SESN3: variants seen among roughly 807,000 people sequenced by gnomAD.
SESN3 encodes the protein sestrin-3.
Under a neutral mutation model 55.3 loss-of-function variants are expected in SESN3, and 21 were observed. The ratio of observed to expected loss-of-function variants is 0.38; its 90% CI spans 0.27 to 0.55. SESN3 has a LOEUF of 0.55. Among genes scored for constraint, SESN3 ranks in the 20% least tolerant of loss-of-function variants. SESN3 has a pLI of 0.76. For missense variants in SESN3, 408 were observed against 604.3 expected (o/e 0.68, Z 3.41); for synonymous variants, 181 against 203.1 (o/e 0.89, Z 0.93).
chr11:95,206,330 T>A (rs1271528251), intron 1 of SESN3, among the ~76,000 whole-genome samples: 1 of 151,356 alleles, frequency 6.6e-6, no homozygotes. Flanking sequence ...CCTTAAAATG[T>A]TTTTTGGCAT....
intron 1 of SESN3, among the ~76,000 whole-genome samples, chr11:95,208,459 C>G (rs1860590223): frequency 6.6e-6 from 1 of 151,458 alleles, no homozygotes; most frequent in African/African-American, 2.4e-5. Context: ...GCATGATCAT[C>G]AGTGTGCGAA....
chr11:95,225,348 C>T (rs1860929408), intron 1 of SESN3, among the ~76,000 whole-genome samples: 1 of 152,188 alleles, frequency 6.6e-6, no homozygotes, highest in Non-Finnish European at 1.5e-5. Flanking sequence ...AGCCAAACAA[C>T]TGTTAGAGAG....
In SESN3 at chr11:95,175,609, T is replaced by C. The variant is rs201543354; in HGVS notation, c.1281A>G (p.Gln427=). The C allele has an allele frequency of 3.9e-5, 63 of 1,612,838 alleles. No homozygotes were observed. The highest frequency in any genetic ancestry group is 5.1e-5 in the Non-Finnish European group (60 of 1,179,064). The change falls in exon 9 of 10, where the codon CAA becomes CAG. Residue 427 remains glutamine, a synonymous_variant. Transcript: ENST00000536441. ...AAACCTTCAGGCTTCTTTCAAGTAA[T>C]TGATTAACTTCTCCATAATCATAGT... ...YDDYDYGEVN[Q]LLERSLKVYI...
At position 95,230,756 on chromosome 11, in the gene SESN3, C is replaced by T. The variant is rs376700049; in HGVS notation, c.78+27G>A. On this transcript the variant is annotated intron_variant, in intron 1 of 9. Coordinates refer to ENST00000536441, the MANE Select transcript of SESN3 (RefSeq NM_144665.4). The surrounding 1 kb of genome is among the most constrained non-coding windows in gnomAD (Gnocchi z 4.6). ...CCGGCCGGCAGGAAGCGACCCTCGCCGGCAGGACCCCGGGCCGAACCCGTA... is the reference window on the plus strand; with the variant it reads ...CCGGCCGGCAGGAAGCGACCCTCGCTGGCAGGACCCCGGGCCGAACCCGTA... 3.8e-6 allele frequency: 6 copies of T among 1,585,360 alleles called. No individual in the cohort carries two copies. The highest frequency in any genetic ancestry group is 1.7e-4 in the Middle Eastern group (1 of 5,896).
intron 4 of SESN3, among the ~76,000 whole-genome samples, chr11:95,188,282 T>C (rs1860203933): frequency 6.6e-6 from 1 of 151,486 alleles, no homozygotes; most frequent in African/African-American, 2.4e-5. Context: ...TAAAATATAT[T>C]TTATATAGAA....
chr11:95,192,775 C>T (rs1860292002), intron 2 of SESN3, among the ~76,000 whole-genome samples: 1 of 152,090 alleles, frequency 6.6e-6, no homozygotes, highest in Non-Finnish European at 1.5e-5. Flanking sequence ...TTGATTTGCT[C>T]ACTTCCCCAC....
At chr11:95,193,204 T>C (rs969285730) in intron 2 of SESN3, among the ~76,000 whole-genome samples, 1 of 152,092 alleles carries the variant, frequency 6.6e-6, no homozygotes, top group Non-Finnish European at 1.5e-5. Context: ...GATCTGATGA[T>C]GAAAGAACTG....
intron 1 of SESN3, among the ~76,000 whole-genome samples, chr11:95,215,869 C>A (rs530808256): frequency 4.6e-5 from 7 of 152,120 alleles, no homozygotes; most frequent in Middle Eastern, 3.4e-3. Context: ...GAGGCCGAGG[C>A]GGGCGGATCA....
At chr11:95,199,435 A>G (rs1860422150) in intron 1 of SESN3, among the ~76,000 whole-genome samples, 1 of 152,108 alleles carries the variant, frequency 6.6e-6, no homozygotes, top group Non-Finnish European at 1.5e-5. Flanking sequence ...CTGGAAAACA[A>G]AACACTGAAA....
At chr11:95,194,681 T>A (rs1396313374) in intron 1 of SESN3, among the ~76,000 whole-genome samples, 1 of 152,140 alleles carries the variant, frequency 6.6e-6, no homozygotes, top group African/African-American at 2.4e-5. Flanking sequence ...GAGGACTGCA[T>A]GTTAAGAGGA....
chr11:95,195,535 C>T (rs755974786), intron 1 of SESN3, among the ~76,000 whole-genome samples: 22 of 152,226 alleles, frequency 1.4e-4, no homozygotes, highest in Non-Finnish European at 2.4e-4. Flanking sequence ...CCAGCTACGG[C>T]GTATGACATA....
intron 4 of SESN3, among the ~76,000 whole-genome samples, chr11:95,189,500 C>T (rs1037844692): frequency 1.3e-5 from 2 of 151,816 alleles, no homozygotes; most frequent in African/African-American, 4.8e-5. Context: ...AGACTAGATC[C>T]CAGGCATCCT....
rs975592156 is a variant in SESN3, at chr11:95,230,922, C to A, written c.-62G>T. 1.2e-5 allele frequency: 14 copies of A among 1,131,756 alleles called. No homozygotes were observed. The highest frequency in any genetic ancestry group is 8.2e-5 in the African/African-American group (5 of 60,864). The allele number at this position is 1,131,756 out of a possible 1,614,324, so 70.1% of individuals were successfully genotyped here. A position where few individuals can be genotyped will look rare whatever the true frequency, so the allele number is the denominator to read the frequency against. On this transcript the variant is annotated 5_prime_UTR_variant, in exon 1 of 10. Coordinates refer to ENST00000536441, the MANE Select transcript of SESN3 (RefSeq NM_144665.4). The surrounding 1 kb of genome is among the most constrained non-coding windows in gnomAD (Gnocchi z 4.6). Reference sequence around the variant, plus strand: ...GCCGGGTCCGGGCTGTCACTGCGGCCACTGCAGGGCCGGTCCGTCCCCCCG... The same window carrying A: ...GCCGGGTCCGGGCTGTCACTGCGGCAACTGCAGGGCCGGTCCGTCCCCCCG...
chr11:95,189,512 T>C (rs1239968042), intron 4 of SESN3, among the ~76,000 whole-genome samples: 2 of 151,960 alleles, frequency 1.3e-5, no homozygotes, highest in Non-Finnish European at 2.9e-5. Context: ...AGGCATCCTA[T>C]CATGCTAGTG....
chr11:95,218,082 T>C (rs1008053419), intron 1 of SESN3, among the ~76,000 whole-genome samples: 1 of 152,232 alleles, frequency 6.6e-6, no homozygotes, highest in Non-Finnish European at 1.5e-5. Context: ...GTTCATTTAT[T>C]ACATGACACA....
chr11:95,210,549 A>T (rs1006440446), intron 1 of SESN3, among the ~76,000 whole-genome samples: 1 of 152,234 alleles, frequency 6.6e-6, no homozygotes, highest in Admixed American at 6.5e-5. Context: ...GGTGGAGGGT[A>T]GATGTTTGAA....
intron 1 of SESN3, among the ~76,000 whole-genome samples, chr11:95,217,371 T>A (rs983548704): frequency 6.6e-6 from 1 of 152,018 alleles, no homozygotes; most frequent in Middle Eastern, 3.2e-3. Context: ...TACTTAACTG[T>A]CAGCCACTGT....
rs2134208843 is a variant in SESN3 at position 95,172,861 on chromosome 11, T to A, written c.*394A>T. ...TTCCAATATCTGAAAAACAATTGCT[T>A]GAGCAGATTGTAAGCACTTGTCCTT... On this transcript the variant is annotated 3_prime_UTR_variant, in exon 10 of 10. Transcript: ENST00000536441. 1 of 160,766 alleles carries A rather than the reference T, an allele frequency of 6.2e-6. No homozygotes were observed. The highest frequency in any genetic ancestry group is 2.0e-4 in the South Asian group (1 of 5,048). 10.0% of individuals were successfully genotyped at this position (160,766 alleles called of 1,614,324 possible).
chr11:95,230,911 G>T lies in SESN3; in HGVS notation c.-51C>A. On this transcript the variant is annotated 5_prime_UTR_variant, in exon 1 of 10. Transcript: ENST00000536441. This position sits in a 1 kb window ranked among gnomAD's most constrained non-coding sequence, Gnocchi z 4.6. ...GCGGGCGGAGGGCCGGGTCCGGGCT[G>T]TCACTGCGGCCACTGCAGGGCCGGT... 1 of 1,332,198 alleles carries T rather than the reference G, an allele frequency of 7.5e-7. No individual in the cohort carries two copies. Among genetic ancestry groups the T allele is most frequent in the Non-Finnish European group, 1.0e-6 (1 of 999,106 alleles). 82.5% of individuals were successfully genotyped at this position (1,332,198 alleles called of 1,614,324 possible).
Sources: gnomAD v4.1 joint callset for allele counts (sites outside exome capture counted in the v4.1 genomes callset) on GRCh38, gnomAD v4.1.1 for gene constraint, Gnocchi (gnomAD v3.1) non-coding constraint, MANE v1.5 for transcripts, NCBI Gene and HGNC (gene_info 2026-07-23, HGNC 2026-07-21) for gene names.